Variants in ATP10B observed in about 807,000 individuals in gnomAD.
ATP10B encodes the protein phospholipid-transporting ATPase VB.
In ATP10B, 122 loss-of-function variants were observed where a neutral mutation model predicts 141.2. That is an observed-to-expected ratio of 0.86 (90% CI 0.75 to 1.00). The LOEUF (loss-of-function observed/expected upper bound fraction) is 1.00, where lower values mean the gene tolerates loss of function less well. Ranked by LOEUF, ATP10B falls within the 50% of genes least tolerant of loss-of-function variation. The pLI is 0.00. For missense variants in ATP10B, 1,876 were observed against 1,825.3 expected, an observed-to-expected ratio of 1.03 and a Z score of -0.51; for synonymous variants, 685 against 692.0, an observed-to-expected ratio of 0.99 and a Z score of 0.16.
chr5:160,606,618 T>G (rs1757403440), intron 19 of ATP10B, 147 bp downstream of exon 19: 1 of 779,742 alleles, frequency 1.3e-6, no homozygotes, highest in African/African-American at 1.7e-5. Context: ...TGCTGCATCT[T>G]GATTGTCATT....
intron 16 of ATP10B, 41 bp from the exon 17 acceptor site, chr5:160,616,005 C>T: frequency 1.3e-6 from 2 of 1,577,462 alleles, no homozygotes; most frequent in South Asian, 2.3e-5. Flanking sequence ...CTTGGGTGGA[C>T]CAACAAGATA....
rs902954950 is a variant in ATP10B, at chr5:160,622,669, G to A, written c.1621-84C>T. ...ATCTTCACATGCCTGGGGAAAGGATGATGCAGCTTCATTGCAGTCTTGCAT... is the reference window on the plus strand; with the variant it reads ...ATCTTCACATGCCTGGGGAAAGGATAATGCAGCTTCATTGCAGTCTTGCAT... On this transcript the variant is annotated intron_variant, in intron 13 of 25. Transcript: ENST00000327245. 1.6e-5 allele frequency: 20 copies of A among 1,272,572 alleles called. No individual in the cohort carries two copies. In the Admixed American group the frequency reaches 3.7e-4, roughly 24 times the overall value. The allele number at this position is 1,272,572 out of a possible 1,614,324, so 78.8% of individuals were successfully genotyped here.
intron 6 of ATP10B, among the ~76,000 whole-genome samples, chr5:160,678,265 C>T (rs941602804): frequency 1.3e-5 from 2 of 152,150 alleles, no homozygotes; most frequent in African/African-American, 4.8e-5. Context: ...ATAGAACTAG[C>T]AATTCCACCC....
At chr5:160,904,345 T>C in the ATP10B span, among the ~76,000 whole-genome samples, 43 of 152,162 alleles carry the variant, frequency 2.8e-4, no homozygotes, top group Non-Finnish European at 5.7e-4. Flanking sequence ...ATATCGATAG[T>C]CTTTGCATTA....
intron 2 of ATP10B, among the ~76,000 whole-genome samples, chr5:160,750,454 TTCTC>T (rs1174500957): frequency 1.3e-5 from 2 of 152,196 alleles, no homozygotes; most frequent in Non-Finnish European, 2.9e-5. Context: ...CATTTTTCAC[TTCTC>T]TCTTTCACCC....
chr5:160,636,422 T>A (rs1454735726), intron 10 of ATP10B, 113 bp from the exon 11 acceptor site: 2 of 1,099,072 alleles, frequency 1.8e-6, no homozygotes, highest in Non-Finnish European at 1.3e-6. Context: ...GGAGGACCCC[T>A]CCTTCTTCCA....
At chr5:160,782,679 A>G (rs1770803551) in intron 2 of ATP10B, among the ~76,000 whole-genome samples, 2 of 152,184 alleles carry the variant, frequency 1.3e-5, no homozygotes, top group Non-Finnish European at 1.5e-5. Flanking sequence ...GTAATTAAAA[A>G]TAGTGATGAT....
At chr5:160,835,580 G>C (rs932946459) in intron 1 of ATP10B, among the ~76,000 whole-genome samples, 1 of 152,090 alleles carries the variant, frequency 6.6e-6, no homozygotes. Flanking sequence ...AAGGATAAAG[G>C]CAAGCTTGGG....
chr5:160,817,448 C>G (rs1450672519), intron 1 of ATP10B, among the ~76,000 whole-genome samples: 1 of 152,014 alleles, frequency 6.6e-6, no homozygotes, highest in African/African-American at 2.4e-5. Flanking sequence ...TTACAAGGGA[C>G]ATGAAGGACC....
At chr5:160,731,653 G>A (rs555287079) in intron 2 of ATP10B, among the ~76,000 whole-genome samples, 25 of 152,290 alleles carry the variant, frequency 1.6e-4, no homozygotes, top group Non-Finnish European at 2.9e-4. Flanking sequence ...GTGGAAAAAT[G>A]TCTGTCTTTA....
intron 25 of ATP10B, among the ~76,000 whole-genome samples, chr5:160,568,267 T>C (rs1291608847): frequency 6.6e-6 from 1 of 152,082 alleles, no homozygotes; most frequent in Non-Finnish European, 1.5e-5. Context: ...AAGAGTCGTC[T>C]GCTAAAAATT....
At chr5:160,709,308 A>G (rs144473666) in intron 3 of ATP10B, among the ~76,000 whole-genome samples, 11 of 152,196 alleles carry the variant, frequency 7.2e-5, no homozygotes, top group Non-Finnish European at 1.3e-4. Context: ...TAAACCACAT[A>G]TTGGGAGGAG....
At chr5:160,829,764 A>G (rs1581617006) in intron 1 of ATP10B, among the ~76,000 whole-genome samples, 2 of 152,166 alleles carry the variant, frequency 1.3e-5, no homozygotes, top group Admixed American at 1.3e-4. Context: ...AGATGTTATT[A>G]ATGTATAGAA....
At chr5:160,604,652 T>A (rs1314115572) in intron 19 of ATP10B, among the ~76,000 whole-genome samples, 13 of 152,180 alleles carry the variant, frequency 8.5e-5, no homozygotes, top group Admixed American at 2.0e-4. Context: ...TTAGTCACAC[T>A]GAGTTTCCAT....
At chr5:160,918,994 G>T in the ATP10B span, among the ~76,000 whole-genome samples, 2 of 151,506 alleles carry the variant, frequency 1.3e-5, no homozygotes, top group African/African-American at 4.9e-5. Context: ...GGGAGGCCGA[G>T]ATGGGCGGAT....
At chr5:160,870,387 AC>A in the ATP10B span, among the ~76,000 whole-genome samples, 1 of 151,732 alleles carries the variant, frequency 6.6e-6, no homozygotes, top group Admixed American at 6.6e-5. Context: ...TACGAGGTGT[AC>A]TAAAAGGCAA....
intron 1 of ATP10B, among the ~76,000 whole-genome samples, chr5:160,795,368 C>G (rs1249425889): frequency 6.6e-6 from 1 of 152,136 alleles, no homozygotes; most frequent in East Asian, 1.9e-4. Flanking sequence ...AGTCTTGACT[C>G]AGATTGGTGT....
At position 160,577,963 on chromosome 5, in the gene ATP10B, A is replaced by C. The variant is rs187864596; in HGVS notation, c.3751-8280T>G. ...CCCCTTCTATTTTTTCATCTATTTG[A>C]TCTATACCAGTTTCTTATATAGTTG... On this transcript the variant is annotated intron_variant, in intron 24 of 25. Coordinates refer to ENST00000327245, the MANE Select transcript of ATP10B (RefSeq NM_025153.3). Among the ~76,000 whole-genome samples, 137 of 152,168 alleles carry C rather than the reference A, an allele frequency of 9.0e-4. 1 individual carries two copies. The highest frequency in any genetic ancestry group is 3.5e-3 in the South Asian group (17 of 4,820).
the ATP10B span, among the ~76,000 whole-genome samples, chr5:160,883,358 CTT>C: frequency 1.3e-5 from 2 of 152,234 alleles, no homozygotes; most frequent in Admixed American, 6.5e-5. Flanking sequence ...GACAGAATCA[CTT>C]TAACTACAGG....
Sources: gnomAD v4.1 joint callset for allele counts (sites outside exome capture counted in the v4.1 genomes callset) on GRCh38, gnomAD v4.1.1 for gene constraint, MANE v1.5 for transcripts, NCBI Gene and HGNC (gene_info 2026-07-23, HGNC 2026-07-21) for gene names.